WDR33: variants seen among roughly 807,000 people sequenced by gnomAD.
The protein encoded by WDR33 is pre-mRNA 3' end processing protein WDR33.
WDR33 carries 47 observed loss-of-function variants against 164.9 expected under a neutral mutation model. The ratio of observed to expected loss-of-function variants is 0.29; its 90% confidence interval spans 0.23 to 0.36. WDR33 has a LOEUF of 0.36. Ranked by LOEUF, WDR33 falls within the 10% of genes least tolerant of loss-of-function variation. The probability of loss-of-function intolerance (pLI) is 1.00; values close to 1 mark genes in which losing one functional copy is unlikely to be tolerated. For synonymous variants in WDR33, 505 were observed against 589.0 expected (o/e 0.86, Z 2.06); for missense variants, 1,137 against 1,754.1 (o/e 0.65, Z 6.28).
chr2:127,785,578 C>A (rs1341512111), intron 1 of WDR33, among the ~76,000 whole-genome samples: 1 of 152,172 alleles, frequency 6.6e-6, no homozygotes, highest in Non-Finnish European at 1.5e-5. Context: ...CAGTGTGGAG[C>A]ATTTTGAGAC....
At chr2:127,768,047 C>T in intron 4 of WDR33, 142 bp downstream of exon 4, 1 of 506,752 alleles carries the variant, frequency 2.0e-6, no homozygotes, top group African/African-American at 2.0e-5. Context: ...CTGGATATTC[C>T]AAAATAAAAT....
intron 7 of WDR33, among the ~76,000 whole-genome samples, chr2:127,749,493 C>A (rs149420029): frequency 6.6e-6 from 1 of 151,870 alleles, no homozygotes; most frequent in Non-Finnish European, 1.5e-5. Flanking sequence ...GAAACCCCGT[C>A]TCTACTAAAA....
intron 18 of WDR33, among the ~76,000 whole-genome samples, chr2:127,711,114 A>G (rs1277111989): frequency 1.3e-5 from 2 of 152,176 alleles, no homozygotes; most frequent in African/African-American, 4.8e-5. Context: ...GCACTGACAG[A>G]TGAAACACAA....
Position 127,763,034 on chromosome 2 carries a change from T to C in WDR33, c.724+28A>G. 6.2e-7 allele frequency: 1 copy of C among 1,613,818 alleles called. No homozygotes were observed. The highest frequency in any genetic ancestry group is 1.1e-5 in the South Asian group (1 of 91,036). On this transcript the variant is annotated intron_variant, in intron 7 of 21. Transcript: ENST00000322313. The surrounding 1 kb of genome is among the most constrained non-coding windows in gnomAD (Gnocchi z 4.5). ...CACAAATGTCTTCCCTATTTAAATA[T>C]TCCAATCAGTACTGTTAGTACACGT...
chr2:127,782,725 A>T (rs1234695531), intron 1 of WDR33, among the ~76,000 whole-genome samples: 1 of 152,190 alleles, frequency 6.6e-6, no homozygotes, highest in Non-Finnish European at 1.5e-5. Flanking sequence ...AGTATACAGC[A>T]GGAGCCAGGA....
intron 7 of WDR33, among the ~76,000 whole-genome samples, chr2:127,740,451 C>T (rs1573904209): frequency 6.6e-6 from 1 of 152,098 alleles, no homozygotes; most frequent in East Asian, 1.9e-4. Flanking sequence ...TGGGCAGTGG[C>T]TGAGGTGGGC....
intron 1 of WDR33, among the ~76,000 whole-genome samples, chr2:127,775,229 C>CCCAG (rs1393316036): frequency 6.6e-6 from 1 of 152,100 alleles, no homozygotes; most frequent in African/African-American, 2.4e-5. Flanking sequence ...CACTGTATTG[C>CCCAG]CCAGGCAGGA....
In WDR33 at chr2:127,714,582, C is replaced by T. The variant is rs1686254745; in HGVS notation, c.2870-561G>A. Among the ~76,000 whole-genome samples the T allele has an allele frequency of 6.6e-6, 1 of 152,308 alleles. No individual in the cohort carries two copies. The highest frequency in any genetic ancestry group is 6.5e-5 in the Admixed American group (1 of 15,314). On this transcript the variant is annotated intron_variant, in intron 17 of 21. Coordinates refer to ENST00000322313, the MANE Select transcript of WDR33 (RefSeq NM_018383.5). The surrounding 1 kb of genome is among the most constrained non-coding windows in gnomAD (Gnocchi z 4.3). The stretch of plus-strand genomic sequence containing the variant: ...AAATACCTGCCTGATGACCAAACAG[C>T]CCTGCTGGGCTTCAGTGTCGGGGTT...
chr2:127,732,479 G>A (rs866342228), intron 7 of WDR33, among the ~76,000 whole-genome samples: 16 of 152,070 alleles, frequency 1.1e-4, no homozygotes, highest in Middle Eastern at 3.4e-3. Context: ...GCACTATCAC[G>A]TCCAGGTAAT....
chr2:127,707,617 T>C (rs892296148), intron 21 of WDR33, among the ~76,000 whole-genome samples: 3 of 152,154 alleles, frequency 2.0e-5, no homozygotes, highest in African/African-American at 4.8e-5. Flanking sequence ...TAGTACAATG[T>C]GTTTATGCAG....
chr2:127,701,901 C>G lies in WDR33; in HGVS notation c.*4422G>C. The G allele has an allele frequency of 6.9e-7, 1 of 1,454,644 alleles. No homozygotes were observed. The highest frequency in any genetic ancestry group is 9.0e-7 in the Non-Finnish European group (1 of 1,109,830). 90.1% of individuals were successfully genotyped at this position (1,454,644 alleles called of 1,614,324 possible). A position where few individuals can be genotyped will look rare whatever the true frequency, so the allele number is the denominator to read the frequency against. ...GGCGCTGGCGTTGGCGGGAAGCGCG[C>G]TGCTGCGGGGCGGCGCGGCGTGCGG... On this transcript the variant is annotated 3_prime_UTR_variant, in exon 22 of 22. Coordinates refer to ENST00000322313, the MANE Select transcript of WDR33 (RefSeq NM_018383.5).
chr2:127,788,808 C>G (rs1688730172), intron 1 of WDR33, among the ~76,000 whole-genome samples: 1 of 135,510 alleles, frequency 7.4e-6, no homozygotes, highest in South Asian at 2.3e-4. Context: ...TGACCCCCCC[C>G]CACCTCCCTC....
chr2:127,775,147 G>A (rs1458609068), intron 1 of WDR33, among the ~76,000 whole-genome samples: 15 of 151,910 alleles, frequency 9.9e-5, no homozygotes, highest in Admixed American at 5.9e-4. Flanking sequence ...TCTGTTATGC[G>A]ACTTTTATCT....
chr2:127,701,546 C>A lies in WDR33; in HGVS notation c.*4777G>T. 1.5e-6 allele frequency: 2 copies of A among 1,348,504 alleles called. No homozygotes were observed. The highest frequency in any genetic ancestry group is 6.0e-5 in the East Asian group (2 of 33,516). The allele number at this position is 1,348,504 out of a possible 1,614,324, so 83.5% of individuals were successfully genotyped here. On this transcript the variant is annotated 3_prime_UTR_variant, in exon 22 of 22. Transcript: ENST00000322313. ...TGTCCAAGATGGCGGACCTCCACCG[C>A]CAGCTGCAGGAGTACCTGGCGCAGG...
At position 127,770,870 on chromosome 2, in the gene WDR33, T is replaced by C. The variant is rs1378161430; in HGVS notation, c.112A>G (p.Met38Val). ...KRPDFAQQQAMQQLTFDGKRM... is the reference protein window; with the variant it reads ...KRPDFAQQQAVQQLTFDGKRM... Reference sequence around the variant, plus strand: ...TTTCCATCAAAAGTAAGCTGTTGCATTGCTTGCTGTTGTGCAAAATCAGGT... The same window carrying C: ...TTTCCATCAAAAGTAAGCTGTTGCACTGCTTGCTGTTGTGCAAAATCAGGT... Residue 38 changes from methionine to valine, a missense_variant, in exon 2 of 22, where the codon ATG becomes GTG. By Grantham distance (21) the Met-to-Val change is conservative (BLOSUM62 1). Coordinates refer to ENST00000322313, the MANE Select transcript of WDR33 (RefSeq NM_018383.5). This position sits in a 1 kb window ranked among gnomAD's most constrained non-coding sequence, Gnocchi z 4.9. 2 of 1,614,054 alleles carry C rather than the reference T, an allele frequency of 1.2e-6. No individual in the cohort carries two copies. The highest frequency in any genetic ancestry group is 1.3e-5 in the African/African-American group (1 of 74,920).
intron 4 of WDR33, among the ~76,000 whole-genome samples, chr2:127,765,525 A>C (rs1450495920): frequency 6.6e-6 from 1 of 152,112 alleles, no homozygotes; most frequent in Non-Finnish European, 1.5e-5. Flanking sequence ...CTACTCACTA[A>C]ATTACACACA....
chr2:127,768,297 C>A lies in WDR33; in HGVS notation c.274-4G>T. ...ACATTCCTATAGGTGGGACCAGCTA[C>A]AAAAAAGGAAAATTGGGTTCTTAGA... On this transcript the variant is annotated splice_region_variant and splice_polypyrimidine_tract_variant and intron_variant, in intron 3 of 21. Coordinates refer to ENST00000322313, the MANE Select transcript of WDR33 (RefSeq NM_018383.5). The A allele has an allele frequency of 6.6e-7, 1 of 1,517,638 alleles. No homozygotes were observed. Among genetic ancestry groups the A allele is most frequent in the South Asian group, 1.3e-5 (1 of 75,552 alleles). The allele number at this position is 1,517,638 out of a possible 1,614,324, so 94.0% of individuals were successfully genotyped here.
chr2:127,773,477 T>C (rs1350247312), intron 1 of WDR33, among the ~76,000 whole-genome samples: 1 of 152,136 alleles, frequency 6.6e-6, no homozygotes, highest in African/African-American at 2.4e-5. Flanking sequence ...CAAAAATAAA[T>C]AGTGCAATAA....
In WDR33 at chr2:127,739,478, G is replaced by A. The variant is rs1426114301; in HGVS notation, c.725-12701C>T. 2.6e-5 allele frequency among the ~76,000 whole-genome samples: 4 copies of A among 152,226 alleles called. No homozygotes were observed. In the East Asian group the frequency reaches 5.8e-4, roughly 22 times the overall value. On this transcript the variant is annotated intron_variant, in intron 7 of 21. Transcript: ENST00000322313. ...ATTCAAATAGGTTCAGTGCTCATAT[G>A]CTACATAATGGCTAATAGTAAAAAA...
Sources: allele counts gnomAD v4.1 joint callset (sites outside exome capture counted in the v4.1 genomes callset), GRCh38; gene constraint gnomAD v4.1.1; non-coding constraint Gnocchi (gnomAD v3.1); transcripts MANE v1.5; gene names NCBI Gene and HGNC (gene_info 2026-07-23, HGNC 2026-07-21).